The following CHD6 variants were observed in gnomAD, a reference collection of about 807,000 sequenced individuals.
The protein encoded by CHD6 is chromodomain helicase DNA binding protein 6.
CHD6 carries 50 observed loss-of-function variants against 276.9 expected under a neutral mutation model. That is an observed-to-expected ratio of 0.18 (90% CI 0.14 to 0.23). CHD6 has a LOEUF of 0.23. Ranked by LOEUF, CHD6 falls within the 10% of genes least tolerant of loss-of-function variation. The pLI is 1.00. For missense variants in CHD6, 2,564 were observed against 3,365.8 expected (o/e 0.76, Z 5.89); for synonymous variants, 1,173 against 1,229.3 (o/e 0.95, Z 0.96).
rs1393307984 is a variant in CHD6 at position 41,444,438 on chromosome 20, T to C, written c.3877+1227A>G. On this transcript the variant is annotated intron_variant, in intron 25 of 36. Coordinates refer to ENST00000373233, the MANE Select transcript of CHD6 (RefSeq NM_032221.5). ...GTGCAGAATTAGGGCATGTCTATGA[T>C]TGCATGTAGTTCTACCGGACAGCAC... Among the ~76,000 whole-genome samples, 6 of 152,214 alleles carry C rather than the reference T, an allele frequency of 3.9e-5. No homozygotes were observed. In the East Asian group the frequency reaches 5.8e-4, roughly 15 times the overall value.
chr20:41,531,666 T>C (rs2044688274), intron 3 of CHD6, among the ~76,000 whole-genome samples: 1 of 152,202 alleles, frequency 6.6e-6, no homozygotes, highest in South Asian at 2.1e-4. Flanking sequence ...GTTTCTGTGG[T>C]AGATGAAAGA....
Position 41,454,706 on chromosome 20 carries a change from CTG to C in CHD6, c.3038_3039del (p.Thr1013ArgfsTer6). 6.2e-7 allele frequency: 1 copy of C among 1,613,844 alleles called. No homozygotes were observed. The highest frequency in any genetic ancestry group is 8.5e-7 in the Non-Finnish European group (1 of 1,179,856). Reference sequence around the variant, plus strand: ...AAGTTAGGATCATCTAAGGAAATATCTGTTCTGTTTCCTGAAGCCACAAAGCT... The same window carrying C: ...AAGTTAGGATCATCTAAGGAAATATCTTCTGTTTCCTGAAGCCACAAAGCT... ...KASFVASGNR[T>X]DISLDDPNFW... is the part of the protein sequence containing the mutation. On this transcript the variant is annotated frameshift_variant, in exon 20 of 37. Coordinates refer to ENST00000373233, the MANE Select transcript of CHD6 (RefSeq NM_032221.5). LOFTEE classifies it high-confidence loss of function.
intron 12 of CHD6, 92 bp from the exon 13 acceptor site, chr20:41,488,696 G>A (rs767251547): frequency 3.7e-6 from 4 of 1,092,806 alleles, no homozygotes; most frequent in Admixed American, 2.6e-5. Context: ...CACTACAGAT[G>A]CTGGGGCCTA....
intron 1 of CHD6, among the ~76,000 whole-genome samples, chr20:41,556,623 G>A (rs190194381): frequency 4.3e-4 from 66 of 152,244 alleles, no homozygotes; most frequent in African/African-American, 1.6e-3. Context: ...CGATGTTACT[G>A]TAGAGTAACT....
chr20:41,519,405 C>T (rs569720573), intron 3 of CHD6, among the ~76,000 whole-genome samples: 8 of 152,180 alleles, frequency 5.3e-5, no homozygotes, highest in East Asian at 1.9e-4. Context: ...ATATATCACA[C>T]GATATAAAAA....
Position 41,533,293 on chromosome 20 carries a change from T to C in CHD6, c.311A>G (p.Gln104Arg). ...KKRKKKEPGD[Q>R]EGAAKGSKDR... The stretch of plus-strand genomic sequence containing the variant: ...CTTGCTTCCCTTTGCTGCACCCTCT[T>C]GGTCTCCTGGCTCCTTTTTCTTCCG... Residue 104 changes from glutamine (Q) to arginine (R), a missense_variant, in exon 3 of 37, where the codon CAA (glutamine) becomes CGA (arginine). Transcript: ENST00000373233. The C allele has an allele frequency of 6.2e-7, 1 of 1,614,112 alleles. No individual in the cohort carries two copies. The highest frequency in any genetic ancestry group is 8.5e-7 in the Non-Finnish European group (1 of 1,180,018).
intron 2 of CHD6, among the ~76,000 whole-genome samples, chr20:41,543,553 A>T (rs1180762674): frequency 6.6e-6 from 1 of 152,218 alleles, no homozygotes; most frequent in Non-Finnish European, 1.5e-5. Context: ...TCCAGATCAG[A>T]TGAGAAACAT....
rs964954558 is a variant in CHD6 at position 41,611,630 on chromosome 20, T to TC, written c.-24+6709_-24+6710insG. Among the ~76,000 whole-genome samples the TC allele has an allele frequency of 1.0e-3, 151 of 145,196 alleles. 2 individuals carry two copies. In the Middle Eastern group the frequency reaches 0.023, roughly 22 times the overall value. ...AATGGGGCCCAAAAACTTGCATTTC[T>TC]TTTTTTTTTTAAGACAGAGTCTCAC... On this transcript the variant is annotated intron_variant, in intron 1 of 36. Transcript: ENST00000373233.
At position 41,415,307 on chromosome 20, in the gene CHD6, A is replaced by C; in HGVS notation, c.6818T>G (p.Val2273Gly). Residue 2273 changes from valine to glycine, a missense_variant, in exon 34 of 37, where the codon GTC becomes GGC. Coordinates refer to ENST00000373233, the MANE Select transcript of CHD6 (RefSeq NM_032221.5). The stretch of plus-strand genomic sequence containing the variant: ...ATCATCTCTTCTGAGGCTTCCATTG[A>C]CAATCTGTCCAGTCACAGGATGGAT... ...GLIHPVTGQI[V>G]NGSLRRDDAA... 6.2e-7 allele frequency: 1 copy of C among 1,614,084 alleles called. No individual in the cohort carries two copies. The highest frequency in any genetic ancestry group is 8.5e-7 in the Non-Finnish European group (1 of 1,180,030).
chr20:41,546,072 T>C (rs1156985505), intron 2 of CHD6, among the ~76,000 whole-genome samples: 1 of 152,170 alleles, frequency 6.6e-6, no homozygotes, highest in Non-Finnish European at 1.5e-5. Context: ...CTTGAGAAAT[T>C]GCTTTAGTTA....
chr20:41,609,531 T>C (rs1441245811), intron 1 of CHD6, among the ~76,000 whole-genome samples: 1 of 152,180 alleles, frequency 6.6e-6, no homozygotes, highest in Non-Finnish European at 1.5e-5. Context: ...AGAGACTATA[T>C]AGCATTAACT....
chr20:41,598,527 C>T (rs185845853), intron 1 of CHD6, among the ~76,000 whole-genome samples: 3 of 152,226 alleles, frequency 2.0e-5, no homozygotes, highest in Admixed American at 6.5e-5. Flanking sequence ...GATGGTCCTC[C>T]GACCAACAGG....
intron 27 of CHD6, among the ~76,000 whole-genome samples, chr20:41,434,137 A>T (rs534297026): frequency 6.6e-6 from 1 of 152,228 alleles, no homozygotes; most frequent in Non-Finnish European, 1.5e-5. Context: ...GGCAGAGCGT[A>T]TTAAAGATTA....
intron 5 of CHD6, among the ~76,000 whole-genome samples, chr20:41,511,786 C>T (rs912085356): frequency 2.0e-5 from 3 of 152,142 alleles, no homozygotes; most frequent in African/African-American, 7.2e-5. Flanking sequence ...AATGTTCCTC[C>T]TAAGTTCTTG....
chr20:41,433,633 A>G (rs1055342316), intron 27 of CHD6, among the ~76,000 whole-genome samples: 3 of 152,294 alleles, frequency 2.0e-5, no homozygotes, highest in Admixed American at 6.5e-5. Flanking sequence ...AAAAGAAAGA[A>G]AACAATAAAA....
intron 1 of CHD6, among the ~76,000 whole-genome samples, chr20:41,594,462 T>C (rs1025935640): frequency 6.6e-6 from 1 of 152,224 alleles, no homozygotes; most frequent in African/African-American, 2.4e-5. Flanking sequence ...ATCATGCCCT[T>C]TGACTATCTG....
At chr20:41,425,038 G>A in intron 29 of CHD6, 140 bp downstream of exon 29, 1 of 665,346 alleles carries the variant, frequency 1.5e-6, no homozygotes, top group Non-Finnish European at 2.7e-6. Flanking sequence ...ACAACTGAAG[G>A]CTGAATGTAA....
chr20:41,487,589 C>A, intron 14 of CHD6, 76 bp downstream of exon 14: 1 of 1,400,558 alleles, frequency 7.1e-7, no homozygotes, highest in Non-Finnish European at 9.7e-7. Flanking sequence ...TAAATCCTGG[C>A]CCCATAGCAT....
At position 41,413,522 on chromosome 20, in the gene CHD6, G is replaced by A; in HGVS notation, c.6940-7C>T. The A allele has an allele frequency of 1.3e-6, 2 of 1,529,494 alleles. No individual in the cohort carries two copies. The highest frequency in any genetic ancestry group is 1.8e-6 in the Non-Finnish European group (2 of 1,138,662). The allele number at this position is 1,529,494 out of a possible 1,614,324, so 94.7% of individuals were successfully genotyped here. A position where few individuals can be genotyped will look rare whatever the true frequency, so the allele number is the denominator to read the frequency against. Reference sequence around the variant, plus strand: ...CTGGGTCTTCATGGACTTCCTGGATGAAGGAAAAACGAGTATGTATAATCA... The same window carrying A: ...CTGGGTCTTCATGGACTTCCTGGATAAAGGAAAAACGAGTATGTATAATCA... On this transcript the variant is annotated splice_polypyrimidine_tract_variant and splice_region_variant and intron_variant, in intron 34 of 36. Transcript: ENST00000373233.
Sources: gnomAD v4.1 joint callset for allele counts (sites outside exome capture counted in the v4.1 genomes callset) on GRCh38, gnomAD v4.1.1 for gene constraint, MANE v1.5 for transcripts, NCBI Gene and HGNC (gene_info 2026-07-23, HGNC 2026-07-21) for gene names.